The following ACTL8 variants were observed in gnomAD, a reference collection of about 807,000 sequenced individuals.
ACTL8 encodes actin-like protein 8.
A neutral mutation model predicts 9.3 loss-of-function variants in ACTL8; 3 were observed. The observed-to-expected ratio is 0.32, with a 90% CI of 0.15 to 0.83. ACTL8 has a LOEUF of 0.83. Ranked by LOEUF, ACTL8 falls within the 40% of genes least tolerant of loss-of-function variation. The pLI, the probability that ACTL8 is intolerant of heterozygous loss-of-function variation, is 0.57. For missense variants in ACTL8, 381 were observed against 492.2 expected, an observed-to-expected ratio of 0.77 and a Z score of 2.14; for synonymous variants, 224 against 205.9, an observed-to-expected ratio of 1.09 and a Z score of -0.75.
At chr1:17,791,707 C>G (rs1476863803) in intron 1 of ACTL8, among the ~76,000 whole-genome samples, 2 of 152,200 alleles carry the variant, frequency 1.3e-5, no homozygotes, top group South Asian at 2.1e-4. Context: ...CCGAAGCCAG[C>G]CTGATTTGCC....
chr1:17,782,426 A>G (rs1346760667), intron 1 of ACTL8, among the ~76,000 whole-genome samples: 1 of 152,224 alleles, frequency 6.6e-6, no homozygotes, highest in East Asian at 1.9e-4. Context: ...CATGGTAGGA[A>G]AAAATGAGGA....
chr1:17,814,065 A>G (rs1045132608), intron 1 of ACTL8, among the ~76,000 whole-genome samples: 1 of 151,992 alleles, frequency 6.6e-6, no homozygotes, highest in African/African-American at 2.4e-5. Flanking sequence ...ACTTTTCACT[A>G]TTTGTTTTCC....
Position 17,782,033 on chromosome 1 carries a change from G to A in ACTL8, c.-25+26529G>A, listed in dbSNP as rs72929182. ...CTGGCCATACCTCCTAGGTGTTACA[G>A]GCATCTTTAAGAACCTGATTTTTTT... On this transcript the variant is annotated intron_variant, in intron 1 of 2. Transcript: ENST00000375406. Among the ~76,000 whole-genome samples the A allele has an allele frequency of 9.0e-3, 1,370 of 152,300 alleles. 24 individuals are homozygous for A. Among genetic ancestry groups the A allele is most frequent in the African/African-American group, 0.031 (1,293 of 41,550 alleles).
intron 1 of ACTL8, among the ~76,000 whole-genome samples, chr1:17,818,307 C>T (rs895613214): frequency 2.0e-5 from 3 of 152,220 alleles, no homozygotes; most frequent in Non-Finnish European, 4.4e-5. Flanking sequence ...TCTTCCTGGC[C>T]ACCACTTTAG....
intron 1 of ACTL8, among the ~76,000 whole-genome samples, chr1:17,763,753 C>G (rs1428069595): frequency 6.6e-6 from 1 of 152,220 alleles, no homozygotes; most frequent in South Asian, 2.1e-4. Flanking sequence ...CTTTTCTCCC[C>G]CATTCCCTCC....
At chr1:17,758,687 T>A (rs1255889575) in intron 1 of ACTL8, among the ~76,000 whole-genome samples, 1 of 152,208 alleles carries the variant, frequency 6.6e-6, no homozygotes, top group Non-Finnish European at 1.5e-5. Flanking sequence ...CCTGGGGATC[T>A]AAAATGCCAC....
At chr1:17,796,028 A>G (rs6695427) in intron 1 of ACTL8, among the ~76,000 whole-genome samples, 32,693 of 152,014 alleles carry the variant, frequency 0.22, 4,351 homozygotes, top group Admixed American at 0.38. Context: ...AGGGAGGGAG[A>G]GAGCCCAGCT....
intron 1 of ACTL8, among the ~76,000 whole-genome samples, chr1:17,819,183 A>C (rs968837334): frequency 6.6e-5 from 10 of 152,162 alleles, no homozygotes; most frequent in Non-Finnish European, 1.3e-4. Flanking sequence ...CTCCCATGAC[A>C]CCACATGCCA....
At chr1:17,804,226 G>T (rs925943585) in intron 1 of ACTL8, among the ~76,000 whole-genome samples, 6 of 152,188 alleles carry the variant, frequency 3.9e-5, no homozygotes, top group African/African-American at 1.4e-4. Flanking sequence ...ACTAAAGGCT[G>T]TGGTGGTCTC....
intron 1 of ACTL8, among the ~76,000 whole-genome samples, chr1:17,796,756 C>T (rs985083571): frequency 6.6e-6 from 1 of 152,232 alleles, no homozygotes; most frequent in Non-Finnish European, 1.5e-5. Flanking sequence ...AGTCTTCCGA[C>T]CTCTTCAAGC....
chr1:17,817,227 C>T lies in ACTL8; in HGVS notation c.-24-5758C>T, dbSNP rs141013868. Among the ~76,000 whole-genome samples the T allele has an allele frequency of 2.1e-3, 312 of 148,852 alleles. 3 individuals are homozygous for T. Among genetic ancestry groups the T allele is most frequent in the African/African-American group, 7.2e-3 (289 of 40,232 alleles). ...TTCTGATCTGGGATCAGAAACTGTG[C>T]GTGGTGTTGGCTGCCATGTCTTTCA... On this transcript the variant is annotated intron_variant, in intron 1 of 2. Transcript: ENST00000375406.
intron 1 of ACTL8, among the ~76,000 whole-genome samples, chr1:17,781,396 C>T (rs6586580): frequency 0.28 from 43,012 of 151,910 alleles, 6,604 homozygotes; most frequent in Admixed American, 0.37. Flanking sequence ...CCTGCCACCA[C>T]GCCTGCTAAT....
chr1:17,759,277 G>A (rs1050881978), intron 1 of ACTL8, among the ~76,000 whole-genome samples: 2 of 152,260 alleles, frequency 1.3e-5, no homozygotes, highest in South Asian at 2.1e-4. Flanking sequence ...AGTAGAGGGC[G>A]CCGAGGAGCC....
chr1:17,794,203 A>G (rs2066261045), intron 1 of ACTL8, among the ~76,000 whole-genome samples: 1 of 152,104 alleles, frequency 6.6e-6, no homozygotes, highest in Non-Finnish European at 1.5e-5. Flanking sequence ...TAATATCTGA[A>G]CCTAGGTCTG....
intron 1 of ACTL8, among the ~76,000 whole-genome samples, chr1:17,819,728 C>G (rs1032270546): frequency 3.9e-5 from 6 of 152,188 alleles, no homozygotes; most frequent in Non-Finnish European, 4.4e-5. Flanking sequence ...GGATTTTTCC[C>G]TTAAAATTTT....
In ACTL8 at chr1:17,804,596, T is replaced by C. The variant is rs1271337363; in HGVS notation, c.-24-18389T>C. On this transcript the variant is annotated intron_variant, in intron 1 of 2. Coordinates refer to ENST00000375406, the MANE Select transcript of ACTL8 (RefSeq NM_030812.3). ...CCAGCTGGTCGTCTTCCTTTCATCT[T>C]TGTCCCCATCTTTTTTTTTTTTTCT... is the stretch of plus-strand genomic sequence containing the variant. Among the ~76,000 whole-genome samples the C allele has an allele frequency of 4.6e-5, 7 of 151,748 alleles. No homozygotes were observed. The South Asian group carries it at 1.0e-3, about 23-fold the overall frequency.
intron 1 of ACTL8, among the ~76,000 whole-genome samples, chr1:17,781,896 G>C (rs1353340026): frequency 6.6e-6 from 1 of 152,206 alleles, no homozygotes; most frequent in African/African-American, 2.4e-5. Context: ...TTGGGACAGA[G>C]GACAGGCCAC....
At chr1:17,799,602 C>G (rs1413414722) in intron 1 of ACTL8, among the ~76,000 whole-genome samples, 1 of 149,836 alleles carries the variant, frequency 6.7e-6, no homozygotes, top group South Asian at 2.1e-4. Context: ...TGCTTCCTCT[C>G]TTTTTTTTCT....
At chr1:17,796,306 CTGTGTGTG>C (rs3063168) in intron 1 of ACTL8, among the ~76,000 whole-genome samples, 57 of 148,052 alleles carry the variant, frequency 3.8e-4, no homozygotes, top group East Asian at 3.2e-3. Flanking sequence ...ATGCGTGCAC[CTGTGTGTG>C]TGTGTGTGTG....
Sources: gnomAD v4.1 joint callset for allele counts (sites outside exome capture counted in the v4.1 genomes callset) on GRCh38, gnomAD v4.1.1 for gene constraint, MANE v1.5 for transcripts, NCBI Gene and HGNC (gene_info 2026-07-23, HGNC 2026-07-21) for gene names.